The following KCNT2 variants were observed in gnomAD, a reference collection of about 807,000 sequenced individuals.
KCNT2 encodes the protein potassium channel subfamily T member 2.
Under a neutral mutation model 153.8 loss-of-function variants are expected in KCNT2, and 67 were observed. That is an observed-to-expected ratio of 0.44 (90% confidence interval 0.36 to 0.53). The LOEUF (loss-of-function observed/expected upper bound fraction) is 0.53. Ranked by LOEUF, KCNT2 falls within the 20% of genes least tolerant of loss-of-function variation. The probability of loss-of-function intolerance (pLI) is 0.00; values close to 1 mark genes in which losing one functional copy is unlikely to be tolerated. For missense variants in KCNT2, 975 were observed against 1,354.8 expected, an observed-to-expected ratio of 0.72 and a Z score of 4.40; for synonymous variants, 500 against 458.8, an observed-to-expected ratio of 1.09 and a Z score of -1.15.
chr1:196,288,881 A>G (rs1312139698), intron 22 of KCNT2, among the ~76,000 whole-genome samples: 1 of 152,060 alleles, frequency 6.6e-6, no homozygotes, highest in Non-Finnish European at 1.5e-5. Context: ...AATGGTTTGG[A>G]GCTTGGATTC....
intron 1 of KCNT2, among the ~76,000 whole-genome samples, chr1:196,587,686 T>C (rs1662854654): frequency 6.6e-6 from 1 of 152,066 alleles, no homozygotes; most frequent in Admixed American, 6.6e-5. Flanking sequence ...AAAATTACTT[T>C]CCATTTAAAC....
intron 1 of KCNT2, among the ~76,000 whole-genome samples, chr1:196,496,688 G>T (rs1169622633): frequency 6.6e-6 from 1 of 152,184 alleles, no homozygotes; most frequent in Admixed American, 6.5e-5. Flanking sequence ...ACTTGTTCCA[G>T]TTCAGGGTGG....
chr1:196,381,647 A>C (rs1046171004), intron 13 of KCNT2, among the ~76,000 whole-genome samples: 1 of 152,300 alleles, frequency 6.6e-6, no homozygotes, highest in Admixed American at 6.5e-5. Context: ...ATTAACCAGC[A>C]CTTAAAATAG....
chr1:196,530,066 A>T (rs1558045768), intron 1 of KCNT2, among the ~76,000 whole-genome samples: 2 of 152,026 alleles, frequency 1.3e-5, no homozygotes, highest in African/African-American at 2.4e-5. Context: ...CTATTTTTTG[A>T]CACACATCAT....
At chr1:196,486,217 C>T (rs1679406954) in intron 3 of KCNT2, among the ~76,000 whole-genome samples, 1 of 151,760 alleles carries the variant, frequency 6.6e-6, no homozygotes, top group Non-Finnish European at 1.5e-5. Flanking sequence ...GTGTTGTGAT[C>T]TCAGATAATT....
intron 14 of KCNT2, among the ~76,000 whole-genome samples, chr1:196,354,027 A>G (rs1035632233): frequency 2.6e-5 from 4 of 151,956 alleles, no homozygotes; most frequent in African/African-American, 9.7e-5. Flanking sequence ...AAATCTTATT[A>G]TACTGATGAC....
intron 8 of KCNT2, among the ~76,000 whole-genome samples, chr1:196,438,103 G>T (rs1038730654): frequency 6.6e-6 from 1 of 151,562 alleles, no homozygotes. Flanking sequence ...AGAAATAAAT[G>T]AGCTAATGCT....
chr1:196,593,179 G>C (rs955874993), intron 1 of KCNT2, among the ~76,000 whole-genome samples: 7 of 150,326 alleles, frequency 4.7e-5, no homozygotes, highest in African/African-American at 9.7e-5. Flanking sequence ...ATGATGTTTC[G>C]TTTTCCATTC....
At position 196,228,062 on chromosome 1, in the gene KCNT2, G is replaced by C; in HGVS notation, c.*162C>G. 1.8e-6 allele frequency: 1 copy of C among 544,890 alleles called. No homozygotes were observed. The highest frequency in any genetic ancestry group is 3.3e-6 in the Non-Finnish European group (1 of 306,976). 33.8% of individuals were successfully genotyped at this position (544,890 alleles called of 1,614,324 possible). On this transcript the variant is annotated 3_prime_UTR_variant, in exon 28 of 28. Coordinates refer to ENST00000294725, the MANE Select transcript of KCNT2 (RefSeq NM_198503.5). ...TTAATAGGGAGAGTACCAGTAAGTAGTACATTAAGTTTCAAAATGATCTAT... is the reference window on the plus strand; with the variant it reads ...TTAATAGGGAGAGTACCAGTAAGTACTACATTAAGTTTCAAAATGATCTAT...
At chr1:196,595,267 A>G (rs1022490904) in intron 1 of KCNT2, among the ~76,000 whole-genome samples, 6 of 152,152 alleles carry the variant, frequency 3.9e-5, no homozygotes, top group Non-Finnish European at 5.9e-5. Flanking sequence ...GAATTAATTG[A>G]TATTAATGAA....
At chr1:196,348,766 C>T (rs1472842077) in intron 14 of KCNT2, among the ~76,000 whole-genome samples, 1 of 152,076 alleles carries the variant, frequency 6.6e-6, no homozygotes, top group Non-Finnish European at 1.5e-5. Context: ...TGGCTCACGC[C>T]TGTAATCCCA....
chr1:196,562,460 G>A (rs181748260), intron 1 of KCNT2, among the ~76,000 whole-genome samples: 70 of 151,976 alleles, frequency 4.6e-4, no homozygotes, highest in African/African-American at 1.6e-3. Flanking sequence ...GCCAAGAGGA[G>A]GGGTCCATTC....
intron 12 of KCNT2, among the ~76,000 whole-genome samples, chr1:196,405,447 A>T (rs1451985719): frequency 6.6e-6 from 1 of 151,518 alleles, no homozygotes; most frequent in Admixed American, 6.6e-5. Flanking sequence ...ATTCAACTTA[A>T]TAAACTGTAC....
chr1:196,560,745 C>T (rs902510371), intron 1 of KCNT2, among the ~76,000 whole-genome samples: 1 of 151,866 alleles, frequency 6.6e-6, no homozygotes, highest in Non-Finnish European at 1.5e-5. Context: ...ACACGGTCAC[C>T]CCAACTACCA....
intron 21 of KCNT2, 78 bp downstream of exon 21, chr1:196,315,814 C>T: frequency 1.1e-5 from 14 of 1,289,052 alleles, no homozygotes; most frequent in Non-Finnish European, 1.5e-5. Context: ...ATGTTCATTC[C>T]TCACAGAGTC....
intron 25 of KCNT2, among the ~76,000 whole-genome samples, chr1:196,259,886 C>T (rs1656848287): frequency 6.6e-6 from 1 of 151,668 alleles, no homozygotes; most frequent in African/African-American, 2.4e-5. Context: ...TTTTTAATAC[C>T]ATGGTTTAAC....
At chr1:196,589,309 GTTC>G (rs766158420) in intron 1 of KCNT2, among the ~76,000 whole-genome samples, 102 of 151,782 alleles carry the variant, frequency 6.7e-4, no homozygotes, top group Non-Finnish European at 1.3e-3. Flanking sequence ...TATTTTACAT[GTTC>G]TTCTTTTAAA....
At chr1:196,575,975 C>CT (rs1553257716) in intron 1 of KCNT2, among the ~76,000 whole-genome samples, 1 of 15,714 alleles carries the variant, frequency 6.4e-5, no homozygotes, top group African/African-American at 1.5e-4. Context: ...GAGACCCTGT[C>CT]TAAAAAAAAA....
At chr1:196,244,324 G>C (rs1655228330) in intron 26 of KCNT2, among the ~76,000 whole-genome samples, 1 of 152,084 alleles carries the variant, frequency 6.6e-6, no homozygotes, top group Non-Finnish European at 1.5e-5. Context: ...AGAGGGAAGA[G>C]TAAAGGGGAC....
Sources: allele counts gnomAD v4.1 joint callset (sites outside exome capture counted in the v4.1 genomes callset), GRCh38; gene constraint gnomAD v4.1.1; transcripts MANE v1.5; gene names NCBI Gene and HGNC (gene_info 2026-07-23, HGNC 2026-07-21).